The following PKIB variants were observed in gnomAD, a reference collection of about 807,000 sequenced individuals.
PKIB encodes PKI-beta.
PKIB carries 2 observed loss-of-function variants against 4.5 expected under a neutral mutation model. The observed-to-expected ratio is 0.44, with a 90% CI of 0.18 to 1.39. The LOEUF (loss-of-function observed/expected upper bound fraction) is 1.39. Among genes scored for constraint, PKIB ranks in the 40% most tolerant of loss-of-function variants. The pLI is 0.27. For synonymous variants in PKIB, 38 were observed against 36.0 expected, an observed-to-expected ratio of 1.06 and a Z score of -0.20; for missense variants, 94 against 92.6, an observed-to-expected ratio of 1.02 and a Z score of -0.06.
At chr6:122,560,661 C>G (rs907143499) in intron 2 of PKIB, among the ~76,000 whole-genome samples, 7 of 152,120 alleles carry the variant, frequency 4.6e-5, no homozygotes, top group African/African-American at 1.7e-4. Context: ...GTGAATCCAT[C>G]TGGTCCTGCA....
intron 2 of PKIB, among the ~76,000 whole-genome samples, chr6:122,554,793 T>C (rs971353197): frequency 6.6e-6 from 1 of 152,106 alleles, no homozygotes; most frequent in Non-Finnish European, 1.5e-5. Flanking sequence ...AATCAATGAA[T>C]TGAACATGAA....
At chr6:122,655,416 G>A (rs1486487395) in intron 2 of PKIB, among the ~76,000 whole-genome samples, 1 of 152,174 alleles carries the variant, frequency 6.6e-6, no homozygotes, top group African/African-American at 2.4e-5. Context: ...TTTGAAAAGA[G>A]ATCCAGGAGA....
intron 2 of PKIB, among the ~76,000 whole-genome samples, chr6:122,514,658 A>G (rs1776691144): frequency 6.6e-6 from 1 of 152,212 alleles, no homozygotes; most frequent in Non-Finnish European, 1.5e-5. Context: ...ATACCAAGAT[A>G]GGAAATATTG....
At chr6:122,624,229 G>T (rs1009454138) in intron 1 of PKIB, among the ~76,000 whole-genome samples, 9 of 152,238 alleles carry the variant, frequency 5.9e-5, no homozygotes, top group African/African-American at 2.2e-4. Context: ...AGTTATAATG[G>T]TATGATGAAA....
intron 2 of PKIB, among the ~76,000 whole-genome samples, chr6:122,635,323 C>T (rs951718691): frequency 3.3e-5 from 5 of 152,104 alleles, no homozygotes; most frequent in East Asian, 3.9e-4. Context: ...CTAATTTTGT[C>T]GGAAGCATAA....
chr6:122,704,728 C>CTGTGTGTGTG (rs113825379), intron 3 of PKIB, among the ~76,000 whole-genome samples: 17,880 of 149,170 alleles, frequency 0.12, 1,235 homozygotes, highest in Non-Finnish European at 0.16. Flanking sequence ...GAAATAATAA[C>CTGTGTGTGTG]TGTGTGTGTG....
intron 1 of PKIB, among the ~76,000 whole-genome samples, chr6:122,618,944 C>T (rs1480448123): frequency 6.6e-6 from 1 of 152,194 alleles, no homozygotes; most frequent in East Asian, 1.9e-4. Flanking sequence ...CTTTTACTAA[C>T]ATACTAATAC....
intron 2 of PKIB, among the ~76,000 whole-genome samples, chr6:122,547,896 C>T (rs897588808): frequency 1.9e-5 from 1 of 51,834 alleles, no homozygotes; most frequent in Non-Finnish European, 4.5e-5. Context: ...CCAAACTCAC[C>T]GAAGTCACTT....
chr6:122,534,030 A>T (rs576634295), intron 2 of PKIB, among the ~76,000 whole-genome samples: 1 of 151,998 alleles, frequency 6.6e-6, no homozygotes, highest in East Asian at 1.9e-4. Flanking sequence ...GCCAATATAT[A>T]TAAACTTCAT....
intron 2 of PKIB, among the ~76,000 whole-genome samples, chr6:122,501,369 G>T (rs538496133): frequency 1.3e-5 from 2 of 152,308 alleles, no homozygotes; most frequent in South Asian, 2.1e-4. Context: ...CCTAGTGGAG[G>T]TTCTCTGTGA....
chr6:122,607,944 C>T (rs1774599940), upstream of PKIB, among the ~76,000 whole-genome samples: 1 of 152,206 alleles, frequency 6.6e-6, no homozygotes, highest in South Asian at 2.1e-4. Flanking sequence ...ACTACATTCA[C>T]GGAAGTGTTT....
At chr6:122,589,033 T>G (rs1167936874) in intron 3 of PKIB, among the ~76,000 whole-genome samples, 2 of 152,174 alleles carry the variant, frequency 1.3e-5, no homozygotes, top group Non-Finnish European at 2.9e-5. Flanking sequence ...TGCTGAGCCT[T>G]TATGACCTAA....
chr6:122,638,230 T>C (rs1775998517), intron 2 of PKIB, among the ~76,000 whole-genome samples: 1 of 152,188 alleles, frequency 6.6e-6, no homozygotes, highest in Non-Finnish European at 1.5e-5. Context: ...TTATAATTAA[T>C]GACCAATAAT....
At chr6:122,575,534 C>T (rs951515627) in intron 2 of PKIB, among the ~76,000 whole-genome samples, 2 of 151,736 alleles carry the variant, frequency 1.3e-5, no homozygotes, top group Admixed American at 1.3e-4. Context: ...CATTGACCAA[C>T]GAGTGGATAA....
intron 2 of PKIB, chr6:122,478,360 G>T (rs1422932269): frequency 6.6e-6 from 1 of 152,126 alleles, no homozygotes; most frequent in Admixed American, 6.5e-5. Context: ...AGTGGTTGTA[G>T]AGCTGACAGC....
intron 1 of PKIB, among the ~76,000 whole-genome samples, chr6:122,617,650 G>A (rs913862001): frequency 6.6e-6 from 1 of 151,866 alleles, no homozygotes; most frequent in South Asian, 2.1e-4. Flanking sequence ...TAATATTATT[G>A]GTCTTAATTG....
intron 2 of PKIB, among the ~76,000 whole-genome samples, chr6:122,659,398 A>G (rs1776898532): frequency 6.6e-6 from 1 of 152,190 alleles, no homozygotes; most frequent in African/African-American, 2.4e-5. Flanking sequence ...ATGCTTTTAA[A>G]GACATTGTGC....
intron 3 of PKIB, among the ~76,000 whole-genome samples, chr6:122,598,564 G>C (rs1774247708): frequency 6.6e-6 from 1 of 152,126 alleles, no homozygotes. Context: ...AAAGATGCAG[G>C]TGCTGCCCTC....
chr6:122,537,234 G>C (rs1165674987), intron 2 of PKIB, among the ~76,000 whole-genome samples: 1 of 151,968 alleles, frequency 6.6e-6, no homozygotes, highest in Non-Finnish European at 1.5e-5. Flanking sequence ...TGTTACATAT[G>C]TATACATGTG....
Sources: allele counts gnomAD v4.1 joint callset (sites outside exome capture counted in the v4.1 genomes callset), GRCh38; gene constraint gnomAD v4.1.1; transcripts MANE v1.5; gene names NCBI Gene and HGNC (gene_info 2026-07-23, HGNC 2026-07-21).